Variants in SCUBE1 observed in about 807,000 individuals in gnomAD.
SCUBE1 encodes signal peptide, CUB domain and EGF like domain containing 1, also known as signal peptide, CUB and EGF-like domain-containing protein 1.
Under a neutral mutation model 124.4 loss-of-function variants are expected in SCUBE1, and 59 were observed. That is an observed-to-expected ratio of 0.47 (90% CI 0.38 to 0.59). The LOEUF (loss-of-function observed/expected upper bound fraction) is 0.59, where lower values mean the gene tolerates loss of function less well. Ranked by LOEUF, SCUBE1 falls within the 20% of genes least tolerant of loss-of-function variation. The probability of loss-of-function intolerance (pLI) is 0.00; values close to 1 mark genes in which losing one functional copy is unlikely to be tolerated. For missense variants in SCUBE1, 1,150 were observed against 1,371.2 expected, an observed-to-expected ratio of 0.84 and a Z score of 2.55; for synonymous variants, 545 against 550.9, an observed-to-expected ratio of 0.99 and a Z score of 0.15.
At chr22:43,231,047 T>C (rs1922531622) in intron 8 of SCUBE1, among the ~76,000 whole-genome samples, 1 of 152,112 alleles carries the variant, frequency 6.6e-6, no homozygotes, top group African/African-American at 2.4e-5. Context: ...CCCTGCACTT[T>C]CTCCCAGTGT....
At chr22:43,330,318 G>A (rs1926865471) in intron 2 of SCUBE1, among the ~76,000 whole-genome samples, 1 of 152,140 alleles carries the variant, frequency 6.6e-6, no homozygotes, top group Non-Finnish European at 1.5e-5. Context: ...CAGCTGGAAG[G>A]AGCATCAGAG....
intron 3 of SCUBE1, among the ~76,000 whole-genome samples, chr22:43,304,751 A>G (rs112293607): frequency 5.3e-5 from 8 of 152,120 alleles, no homozygotes; most frequent in African/African-American, 1.9e-4. Context: ...GGCTCTGCAC[A>G]TGCTGCTCCT....
intron 6 of SCUBE1, among the ~76,000 whole-genome samples, chr22:43,247,255 A>G (rs560367598): frequency 6.6e-6 from 1 of 152,194 alleles, no homozygotes; most frequent in Non-Finnish European, 1.5e-5. Context: ...TGCCTCAGCT[A>G]AGCTTCTCCA....
chr22:43,249,915 C>A (rs1923373876), intron 6 of SCUBE1, among the ~76,000 whole-genome samples: 1 of 152,346 alleles, frequency 6.6e-6, no homozygotes, highest in Admixed American at 6.5e-5. Flanking sequence ...TGCCTGCTCA[C>A]CTGCAGATCT....
intron 2 of SCUBE1, among the ~76,000 whole-genome samples, chr22:43,335,790 G>GTGA (rs1289409923): frequency 3.5e-5 from 5 of 144,912 alleles, no homozygotes; most frequent in Middle Eastern, 3.6e-3. Flanking sequence ...GATGGTGATG[G>GTGA]TGATGATGAT....
chr22:43,339,222 C>T lies in SCUBE1; in HGVS notation c.102G>A (p.Val34=). 6.2e-7 allele frequency: 1 copy of T among 1,613,598 alleles called. No individual in the cohort carries two copies. Among genetic ancestry groups the T allele is most frequent in the Non-Finnish European group, 8.5e-7 (1 of 1,179,668 alleles). Residue 34 remains valine, a synonymous_variant, in exon 2 of 22, where the codon GTG becomes GTA. Coordinates refer to ENST00000360835, the MANE Select transcript of SCUBE1 (RefSeq NM_173050.5). ...GGSGLPGSVD[V]DECSEGTDDC... is the part of the protein sequence containing the mutation. Reference sequence around the variant, plus strand: ...CATCTGTGCCCTCTGAGCACTCATCCACGTCGACTGACCCTGTGGGTAGGG... The same window carrying T: ...CATCTGTGCCCTCTGAGCACTCATCTACGTCGACTGACCCTGTGGGTAGGG...
In SCUBE1 at chr22:43,198,781, G is replaced by T. The variant is rs1229075088; in HGVS notation, c.*5216C>A. 2.2e-6 allele frequency: 1 copy of T among 449,770 alleles called. No homozygotes were observed. Among genetic ancestry groups the T allele is most frequent in the Non-Finnish European group, 4.5e-6 (1 of 222,636 alleles). 27.9% of individuals were successfully genotyped at this position (449,770 alleles called of 1,614,324 possible). A position where few individuals can be genotyped will look rare whatever the true frequency, so the allele number is the denominator to read the frequency against. On this transcript the variant is annotated 3_prime_UTR_variant, in exon 22 of 22. Transcript: ENST00000360835. Reference sequence around the variant, plus strand: ...TGGGGCATGCACTGTGGCAGGCAAGGTGAGCAGGCTGTCCAGGGCAGCTTG... The same window carrying T: ...TGGGGCATGCACTGTGGCAGGCAAGTTGAGCAGGCTGTCCAGGGCAGCTTG...
chr22:43,341,786 G>C (rs1927325395), intron 1 of SCUBE1, among the ~76,000 whole-genome samples: 1 of 152,156 alleles, frequency 6.6e-6, no homozygotes, highest in Non-Finnish European at 1.5e-5. Flanking sequence ...TTTGACTCTG[G>C]TTTGCTTATG....
chr22:43,248,126 G>A (rs1923291094), intron 6 of SCUBE1, among the ~76,000 whole-genome samples: 1 of 152,230 alleles, frequency 6.6e-6, no homozygotes, highest in Admixed American at 6.5e-5. Flanking sequence ...ATCTAGGAGA[G>A]AGGAAACAGG....
At chr22:43,281,461 A>G (rs796138303) in intron 4 of SCUBE1, among the ~76,000 whole-genome samples, 2,244 of 46,088 alleles carry the variant, frequency 0.049, 187 homozygotes, top group Admixed American at 0.19. Flanking sequence ...CATCTCCCTC[A>G]GCCACCCTCC....
intron 14 of SCUBE1, 72 bp downstream of exon 14, chr22:43,220,378 C>A: frequency 3.3e-6 from 5 of 1,532,516 alleles, no homozygotes; most frequent in Non-Finnish European, 1.8e-6. Context: ...GCCTGGCAGG[C>A]CCCCGGCAGC....
At chr22:43,214,435 G>T (rs556780302) in intron 15 of SCUBE1, among the ~76,000 whole-genome samples, 184 bp from the exon 16 acceptor site, 2 of 152,322 alleles carry the variant, frequency 1.3e-5, no homozygotes, top group Non-Finnish European at 2.9e-5. Context: ...GCAGCCATCT[G>T]TGAGGGCCAT....
intron 15 of SCUBE1, among the ~76,000 whole-genome samples, chr22:43,216,380 C>T (rs977784154): frequency 2.0e-5 from 3 of 149,616 alleles, no homozygotes; most frequent in Admixed American, 6.7e-5. Context: ...AGAGGCTGGG[C>T]GCAGTGGCTC....
chr22:43,261,389 C>T (rs1371756674), intron 5 of SCUBE1, among the ~76,000 whole-genome samples: 2 of 152,194 alleles, frequency 1.3e-5, no homozygotes, highest in Admixed American at 1.3e-4. Flanking sequence ...AAAGGTGGTC[C>T]GCCTCTTGGA....
rs1921544825 is a variant in SCUBE1, at chr22:43,211,365, G to C, written c.2222-282C>G. Among the ~76,000 whole-genome samples, 1 of 152,148 alleles carries C rather than the reference G, an allele frequency of 6.6e-6. No homozygotes were observed. The highest frequency in any genetic ancestry group is 1.5e-5 in the Non-Finnish European group (1 of 68,020). ...GGGAGCCATTTTCAGGGAGAGCGGG[G>C]GCGATGATGTGGCCGGAGGCGTGCG... On this transcript the variant is annotated intron_variant, in intron 17 of 21. Coordinates refer to ENST00000360835, the MANE Select transcript of SCUBE1 (RefSeq NM_173050.5). The surrounding 1 kb of genome is among the most constrained non-coding windows in gnomAD (Gnocchi z 4.5).
intron 4 of SCUBE1, chr22:43,282,652 T>C (rs1264902415): frequency 2.0e-5 from 3 of 151,874 alleles, no homozygotes; most frequent in African/African-American, 7.3e-5. Context: ...TCTCCATCAG[T>C]TGGCCACCAC....
In SCUBE1 at chr22:43,198,038, A is replaced by T. The variant is rs562246357; in HGVS notation, c.*5959T>A. 6.5e-6 allele frequency: 1 copy of T among 154,248 alleles called. No homozygotes were observed. Among genetic ancestry groups the T allele is most frequent in the East Asian group, 1.9e-4 (1 of 5,202 alleles). The allele number at this position is 154,248 out of a possible 1,614,324, so 9.6% of individuals were successfully genotyped here. On this transcript the variant is annotated 3_prime_UTR_variant, in exon 22 of 22. Transcript: ENST00000360835. ...GGGCTTGAGTTTGATTCCCAAATCC[A>T]GGGACTACCAACTCTTTGCCTTGGG...
At chr22:43,281,411 TCAGCCATCCTCC>T (rs1924841814) in intron 4 of SCUBE1, among the ~76,000 whole-genome samples, 1 of 80,614 alleles carries the variant, frequency 1.2e-5, no homozygotes. Context: ...GTCACCTCCC[TCAGCCATCCTCC>T]TGTCACCTCC....
At chr22:43,338,233 C>T (rs931082183) in intron 2 of SCUBE1, among the ~76,000 whole-genome samples, 3 of 152,230 alleles carry the variant, frequency 2.0e-5, no homozygotes, top group Non-Finnish European at 2.9e-5. Flanking sequence ...GCCAGAGCTG[C>T]TCTTTTCTCT....
Sources: gnomAD v4.1 joint callset for allele counts (sites outside exome capture counted in the v4.1 genomes callset) on GRCh38, gnomAD v4.1.1 for gene constraint, Gnocchi (gnomAD v3.1) non-coding constraint, MANE v1.5 for transcripts, NCBI Gene and HGNC (gene_info 2026-07-23, HGNC 2026-07-21) for gene names.